The following CNTNAP3B variants were observed in gnomAD, a reference collection of about 807,000 sequenced individuals.
CNTNAP3B encodes the protein contactin-associated protein-like 3B.
Under a neutral mutation model 108.9 loss-of-function variants are expected in CNTNAP3B, and 25 were observed. That is an observed-to-expected ratio of 0.23 (90% confidence interval 0.17 to 0.32). The LOEUF is 0.32. Ranked by LOEUF, CNTNAP3B falls within the 10% of genes least tolerant of loss-of-function variation. The probability of loss-of-function intolerance (pLI) is 1.00; values close to 1 mark genes in which losing one functional copy is unlikely to be tolerated. For synonymous variants in CNTNAP3B, 103 were observed against 473.4 expected (o/e 0.22, Z 10.16); for missense variants, 252 against 1,210.4 (o/e 0.21, Z 11.75).
chr9:41,919,198 G>A (rs1014423842), intron 18 of CNTNAP3B, among the ~76,000 whole-genome samples: 1 of 151,896 alleles, frequency 6.6e-6, no homozygotes, highest in African/African-American at 2.4e-5. Context: ...GCAGTGGTGC[G>A]ATCTCGACTC....
At chr9:41,955,966 G>A (rs1824844619) in intron 12 of CNTNAP3B, among the ~76,000 whole-genome samples, 1 of 152,200 alleles carries the variant, frequency 6.6e-6, no homozygotes. Flanking sequence ...ACTTAAATGT[G>A]CTCAGAACAC....
chr9:41,916,989 A>G (rs1823534171), intron 18 of CNTNAP3B, among the ~76,000 whole-genome samples: 2 of 151,362 alleles, frequency 1.3e-5, no homozygotes, highest in African/African-American at 4.8e-5. Flanking sequence ...TTTGGCTTTC[A>G]AAGTTTTTAA....
At chr9:42,110,991 A>G (rs1213749233) in intron 1 of CNTNAP3B, among the ~76,000 whole-genome samples, 1 of 139,584 alleles carries the variant, frequency 7.2e-6, no homozygotes, top group Non-Finnish European at 1.5e-5. Flanking sequence ...TCTGTTTTAC[A>G]TGGTCTTGAT....
rs1430056451 is a variant in CNTNAP3B, at chr9:42,053,282, C to T, written c.390+23587G>A. 3.9e-5 allele frequency among the ~76,000 whole-genome samples: 4 copies of T among 102,438 alleles called. 1 individual carries two copies. The highest frequency in any genetic ancestry group is 1.0e-4 in the Admixed American group (1 of 10,014). The allele number at this position is 102,438 out of a possible 152,430, so 67.2% of individuals were successfully genotyped here. A position where few individuals can be genotyped will look rare whatever the true frequency, so the allele number is the denominator to read the frequency against. On this transcript the variant is annotated intron_variant, in intron 3 of 23. Transcript: ENST00000377561. Reference sequence around the variant, plus strand: ...AAGGGACTCATATAGTAGGAATTCACAATCTGAAATGAGCAATAATATTCT... The same window carrying T: ...AAGGGACTCATATAGTAGGAATTCATAATCTGAAATGAGCAATAATATTCT...
At chr9:41,935,146 T>A (rs1243105500) in intron 14 of CNTNAP3B, among the ~76,000 whole-genome samples, 1 of 152,306 alleles carries the variant, frequency 6.6e-6, no homozygotes, top group Non-Finnish European at 1.5e-5. Context: ...TAGTGCCTTT[T>A]AAATATATGT....
intron 7 of CNTNAP3B, among the ~76,000 whole-genome samples, chr9:41,995,648 G>C (rs570054017): frequency 8.8e-6 from 1 of 113,422 alleles, no homozygotes; most frequent in East Asian, 2.8e-4. Flanking sequence ...GGAGAATGGC[G>C]TGAACCCAGG....
chr9:41,941,246 A>G (rs200232602), intron 13 of CNTNAP3B, among the ~76,000 whole-genome samples: 16,327 of 142,088 alleles, frequency 0.11, 3 homozygotes, highest in Admixed American at 0.2. Flanking sequence ...TTAAAATATA[A>G]CAAAAGTTAG....
At chr9:41,944,697 T>A (rs1335307233) in intron 13 of CNTNAP3B, among the ~76,000 whole-genome samples, 1 of 151,966 alleles carries the variant, frequency 6.6e-6, no homozygotes, top group Non-Finnish European at 1.5e-5. Flanking sequence ...GTATCAATAA[T>A]CACTTTAAAT....
chr9:41,964,400 T>C, intron 11 of CNTNAP3B, 138 bp downstream of exon 11: 1 of 1,428,808 alleles, frequency 7.0e-7, no homozygotes, highest in South Asian at 1.5e-5. Context: ...GGATTAAAAG[T>C]AAACTAGAAA....
chr9:41,969,167 G>T (rs1165656281), intron 10 of CNTNAP3B, among the ~76,000 whole-genome samples: 1 of 152,004 alleles, frequency 6.6e-6, no homozygotes, highest in Admixed American at 6.5e-5. Flanking sequence ...AAATGTACTG[G>T]GGCAAATTGT....
chr9:41,925,365 G>A (rs201722758), intron 15 of CNTNAP3B, among the ~76,000 whole-genome samples: 14 of 152,174 alleles, frequency 9.2e-5, no homozygotes, highest in Admixed American at 4.6e-4. Context: ...AGGCCAAGGC[G>A]GACGGATCAT....
At chr9:41,960,535 T>C (rs1360906579) in intron 12 of CNTNAP3B, among the ~76,000 whole-genome samples, 6 of 152,252 alleles carry the variant, frequency 3.9e-5, no homozygotes, top group African/African-American at 2.4e-5. Flanking sequence ...AGATGTATTA[T>C]GAGGAGTGTA....
chr9:42,128,530 T>C lies in CNTNAP3B; in HGVS notation c.85+480A>G, dbSNP rs1222106215. On this transcript the variant is annotated intron_variant, in intron 1 of 23. Transcript: ENST00000377561. The stretch of plus-strand genomic sequence containing the variant: ...TTCGCCTACAGGCACTCTGTCCCTA[T>C]ACTGCGTGGAAGTTAATTAGCATTT... 4.4e-5 allele frequency among the ~76,000 whole-genome samples: 6 copies of C among 137,808 alleles called. 1 individual carries two copies. Among genetic ancestry groups the C allele is most frequent in the South Asian group, 2.4e-4 (1 of 4,254 alleles). The allele number at this position is 137,808 out of a possible 152,430, so 90.4% of individuals were successfully genotyped here. A position where few individuals can be genotyped will look rare whatever the true frequency, so the allele number is the denominator to read the frequency against.
intron 3 of CNTNAP3B, among the ~76,000 whole-genome samples, chr9:42,047,292 G>T (rs1214134405): frequency 1.7e-5 from 2 of 118,018 alleles, no homozygotes; most frequent in Non-Finnish European, 3.4e-5. Flanking sequence ...ATCGCTGCAG[G>T]GTTCAGACTT....
intron 12 of CNTNAP3B, among the ~76,000 whole-genome samples, chr9:41,954,471 C>A (rs1156265263): frequency 6.6e-6 from 1 of 152,268 alleles, no homozygotes; most frequent in Non-Finnish European, 1.5e-5. Flanking sequence ...TCTTTAGTCA[C>A]AGAACCCATG....
chr9:41,932,709 G>A (rs1159304501), intron 14 of CNTNAP3B, among the ~76,000 whole-genome samples: 8 of 151,868 alleles, frequency 5.3e-5, no homozygotes, highest in Admixed American at 1.3e-4. Flanking sequence ...TAGTATAGAC[G>A]GGGTTTCACC....
intron 2 of CNTNAP3B, among the ~76,000 whole-genome samples, chr9:42,090,071 C>T (rs1827787207): frequency 7.2e-6 from 1 of 138,826 alleles, no homozygotes; most frequent in South Asian, 2.4e-4. Context: ...CCATTTCATC[C>T]CTACTCCTGC....
Position 42,107,867 on chromosome 9 carries a change from C to T in CNTNAP3B, c.86-3128G>A, listed in dbSNP as rs1198474391. On this transcript the variant is annotated intron_variant, in intron 1 of 23. Transcript: ENST00000377561. ...GCACGTGCCCATAGTCCCAGCTTCC[C>T]AGGAGGCTGAAGCAGGAGAATCGCT... Among the ~76,000 whole-genome samples, 5 of 128,152 alleles carry T rather than the reference C, an allele frequency of 3.9e-5. 1 individual carries two copies. The highest frequency in any genetic ancestry group is 7.9e-5 in the Admixed American group (1 of 12,698). 84.1% of individuals were successfully genotyped at this position (128,152 alleles called of 152,430 possible).
intron 2 of CNTNAP3B, among the ~76,000 whole-genome samples, chr9:42,094,020 A>G (rs1827849121): frequency 7.5e-6 from 1 of 133,220 alleles, no homozygotes; most frequent in Admixed American, 7.7e-5. Flanking sequence ...AAACTCAGGG[A>G]GATAAAGGAA....
Sources: gnomAD v4.1 joint callset for allele counts (sites outside exome capture counted in the v4.1 genomes callset) on GRCh38, gnomAD v4.1.1 for gene constraint, MANE v1.5 for transcripts, NCBI Gene and HGNC (gene_info 2026-07-23, HGNC 2026-07-21) for gene names.